Variants in ST18 observed in about 807,000 individuals in gnomAD.
ST18 encodes ST18 C2H2C-type zinc finger transcription factor, also known as suppression of tumorigenicity 18 protein.
Under a neutral mutation model 110.0 loss-of-function variants are expected in ST18, and 50 were observed. The observed-to-expected ratio is 0.45, with a 90% CI of 0.36 to 0.58. The LOEUF (loss-of-function observed/expected upper bound fraction) is 0.58, where lower values mean the gene tolerates loss of function less well. Ranked by LOEUF, ST18 falls within the 20% of genes least tolerant of loss-of-function variation. The probability of loss-of-function intolerance (pLI) is 0.00; values close to 1 mark genes in which losing one functional copy is unlikely to be tolerated. For synonymous variants in ST18, 461 were observed against 452.4 expected (o/e 1.02, Z -0.24); for missense variants, 1,306 against 1,280.1 (o/e 1.02, Z -0.31).
chr8:52,219,047 T>C (rs1347506665), intron 5 of ST18, among the ~76,000 whole-genome samples: 1 of 152,202 alleles, frequency 6.6e-6, no homozygotes, highest in African/African-American at 2.4e-5. Context: ...AACTAGATGA[T>C]GCCAGCATCT....
At chr8:52,365,325 T>C (rs1827418879) in intron 2 of ST18, among the ~76,000 whole-genome samples, 1 of 152,184 alleles carries the variant, frequency 6.6e-6, no homozygotes, top group South Asian at 2.1e-4. Flanking sequence ...ACTCAGGCTA[T>C]AGCAAGAACC....
At position 52,149,844 on chromosome 8, in the gene ST18, G is replaced by A. The variant is rs772644212; in HGVS notation, c.1940C>T (p.Thr647Ile). Residue 647 changes from threonine to isoleucine, a missense_variant, in exon 16 of 26, where the codon ACA becomes ATA. Coordinates refer to ENST00000689386, the MANE Select transcript of ST18 (RefSeq NM_001352837.2). Reference protein sequence around the residue: ...IPTPSSSPFKTSSILVNAAFY... With the variant: ...IPTPSSSPFKISSILVNAAFY... The stretch of plus-strand genomic sequence containing the variant: ...TGCTGCATTGACCAGAATGCTGCTT[G>A]TTTTGAATGGGGAAGAGGAAGGAGT... 1 of 1,614,188 alleles carries A rather than the reference G, an allele frequency of 6.2e-7. No individual in the cohort carries two copies. The highest frequency in any genetic ancestry group is 1.1e-5 in the South Asian group (1 of 91,082).
chr8:52,165,623 T>A (rs2062727371), intron 11 of ST18, among the ~76,000 whole-genome samples: 1 of 152,210 alleles, frequency 6.6e-6, no homozygotes, highest in Non-Finnish European at 1.5e-5. Context: ...CTTCTTTATT[T>A]TCTAAGTGAT....
At chr8:52,131,885 A>G (rs2049758447) in intron 22 of ST18, 73 bp downstream of exon 22, 3 of 1,482,910 alleles carry the variant, frequency 2.0e-6, no homozygotes, top group Non-Finnish European at 2.8e-6. Flanking sequence ...GTTGTTCACA[A>G]CCCTCTCCCC....
At chr8:52,295,144 C>T (rs924264441) in intron 2 of ST18, among the ~76,000 whole-genome samples, 12 of 152,084 alleles carry the variant, frequency 7.9e-5, no homozygotes, top group African/African-American at 1.9e-4. Context: ...AATCGTCACA[C>T]GTGTAACCAC....
intron 9 of ST18, among the ~76,000 whole-genome samples, chr8:52,178,641 A>C (rs1241321288): frequency 1.5e-5 from 2 of 134,244 alleles, no homozygotes; most frequent in African/African-American, 6.4e-5. Context: ...AAAAAAAAAA[A>C]AACCACCAAA....
chr8:52,324,015 C>A (rs192459990), intron 2 of ST18, among the ~76,000 whole-genome samples: 1 of 152,330 alleles, frequency 6.6e-6, no homozygotes, highest in East Asian at 1.9e-4. Flanking sequence ...ACTTCATCTG[C>A]CCTCCAGGCT....
chr8:52,347,028 C>A (rs1162331778), intron 2 of ST18, among the ~76,000 whole-genome samples: 1 of 152,190 alleles, frequency 6.6e-6, no homozygotes, highest in Non-Finnish European at 1.5e-5. Context: ...GAAAAGAGTT[C>A]ATTTGACCTT....
At chr8:52,129,117 T>C (rs1275428320) in intron 22 of ST18, among the ~76,000 whole-genome samples, 1 of 152,158 alleles carries the variant, frequency 6.6e-6, no homozygotes, top group African/African-American at 2.4e-5. Flanking sequence ...TCATCTGTGT[T>C]GAACCCCTAC....
At chr8:52,120,675 CAGGAGCCAGGGA>C (rs1259312039) in intron 23 of ST18, among the ~76,000 whole-genome samples, 3 of 152,144 alleles carry the variant, frequency 2.0e-5, no homozygotes, top group Non-Finnish European at 2.9e-5. Flanking sequence ...CCAAGTGCAA[CAGGAGCCAGGGA>C]AGGGCTGTAG....
intron 5 of ST18, among the ~76,000 whole-genome samples, chr8:52,219,424 C>A (rs1036419302): frequency 6.6e-6 from 1 of 152,162 alleles, no homozygotes; most frequent in African/African-American, 2.4e-5. Context: ...CTTTTTTACA[C>A]CATCTGTGAC....
intron 2 of ST18, among the ~76,000 whole-genome samples, chr8:52,272,386 A>G (rs1019565804): frequency 6.9e-6 from 1 of 144,846 alleles, no homozygotes; most frequent in Non-Finnish European, 1.5e-5. Context: ...AAAATAGCCT[A>G]AGAACTTGAA....
intron 2 of ST18, among the ~76,000 whole-genome samples, chr8:52,374,646 C>A (rs1008153356): frequency 6.6e-6 from 1 of 151,932 alleles, no homozygotes; most frequent in African/African-American, 2.4e-5. Flanking sequence ...GGTATTAAGC[C>A]CAGCATCCAT....
chr8:52,404,440 T>A lies in ST18; in HGVS notation c.-465+4888A>T, dbSNP rs1021952028. The A allele has an allele frequency of 2.0e-5, 3 of 152,140 alleles. No individual in the cohort carries two copies. In the East Asian group the frequency reaches 5.8e-4, roughly 29 times the overall value. The allele number at this position is 152,140 out of a possible 1,614,324, so 9.4% of individuals were successfully genotyped here. A position where few individuals can be genotyped will look rare whatever the true frequency, so the allele number is the denominator to read the frequency against. On this transcript the variant is annotated intron_variant, in intron 2 of 25. Transcript: ENST00000689386. ...CCAGGCCCAGGAGCACATGTTCACA[T>A]CACTCCTTCCCCAGTCTCACAACAG... is the stretch of plus-strand genomic sequence containing the variant.
chr8:52,320,166 A>G (rs1215796250), intron 2 of ST18, among the ~76,000 whole-genome samples: 1 of 152,226 alleles, frequency 6.6e-6, no homozygotes. Flanking sequence ...AAAAGTAGAA[A>G]GTACAGAAAC....
intron 22 of ST18, among the ~76,000 whole-genome samples, chr8:52,128,462 G>A (rs1445619106): frequency 6.6e-6 from 1 of 152,120 alleles, no homozygotes; most frequent in Non-Finnish European, 1.5e-5. Context: ...CCATAATTGT[G>A]TGTGTGTTTT....
At chr8:52,206,422 A>G (rs531552651) in intron 8 of ST18, 1 of 152,358 alleles carries the variant, frequency 6.6e-6, no homozygotes, top group East Asian at 1.9e-4. Flanking sequence ...AAGCTTCCCC[A>G]ATATATTTTA....
intron 2 of ST18, among the ~76,000 whole-genome samples, chr8:52,388,021 AG>A (rs573216364): frequency 7.6e-6 from 1 of 131,350 alleles, no homozygotes; most frequent in South Asian, 2.6e-4. Context: ...GTCCGCTTTG[AG>A]GGGGGTCTAT....
chr8:52,152,108 C>A (rs1211322862), intron 15 of ST18, among the ~76,000 whole-genome samples: 1 of 152,222 alleles, frequency 6.6e-6, no homozygotes, highest in Non-Finnish European at 1.5e-5. Context: ...CTGCGCCCAG[C>A]CTGCTGCTCT....
Sources: allele counts gnomAD v4.1 joint callset (sites outside exome capture counted in the v4.1 genomes callset), GRCh38; gene constraint gnomAD v4.1.1; transcripts MANE v1.5; gene names NCBI Gene and HGNC (gene_info 2026-07-23, HGNC 2026-07-21).